The following DNAH14 variants were observed in gnomAD, a reference collection of about 807,000 sequenced individuals.
The protein encoded by DNAH14 is axonemal beta dynein heavy chain 14.
DNAH14 carries 478 observed loss-of-function variants against 520.9 expected under a neutral mutation model. That is an observed-to-expected ratio of 0.92 (90% CI 0.85 to 0.99). The LOEUF (loss-of-function observed/expected upper bound fraction) is 0.99. Ranked by LOEUF, DNAH14 falls within the 50% of genes least tolerant of loss-of-function variation. DNAH14 has a pLI of 0.00. For synonymous variants in DNAH14, 1,581 were observed against 1,757.2 expected, an observed-to-expected ratio of 0.90 and a Z score of 2.51; for missense variants, 4,831 against 5,234.5, an observed-to-expected ratio of 0.92 and a Z score of 2.38.
At chr1:225,303,368 A>C in intron 57 of DNAH14, 21 bp downstream of exon 57, 2 of 1,539,322 alleles carry the variant, frequency 1.3e-6, no homozygotes, top group Non-Finnish European at 1.8e-6. Flanking sequence ...AATGCAAGTG[A>C]AGGTTTCAGT....
intron 5 of DNAH14, 51 bp from the exon 6 acceptor site, chr1:224,967,380 T>G: frequency 7.4e-7 from 1 of 1,355,760 alleles, no homozygotes; most frequent in Non-Finnish European, 9.8e-7. Context: ...TTAATTTAGT[T>G]AATTTAGTCA....
At chr1:225,087,833 G>A (rs2073978801) in intron 21 of DNAH14, among the ~76,000 whole-genome samples, 1 of 152,192 alleles carries the variant, frequency 6.6e-6, no homozygotes, top group African/African-American at 2.4e-5. Flanking sequence ...ACGTGAAACT[G>A]CCAGAGGTCA....
At chr1:225,382,429 G>A (rs114892852) in intron 81 of DNAH14, among the ~76,000 whole-genome samples, 1,932 of 152,170 alleles carry the variant, frequency 0.013, 43 homozygotes, top group African/African-American at 0.042. Flanking sequence ...AATCCAGGCC[G>A]GGCACAGGGC....
intron 77 of DNAH14, 75 bp downstream of exon 77, chr1:225,368,107 C>A: frequency 1.6e-6 from 2 of 1,248,872 alleles, no homozygotes; most frequent in East Asian, 5.1e-5. Flanking sequence ...TATGTGCCTA[C>A]ACAAATGTGA....
intron 15 of DNAH14, among the ~76,000 whole-genome samples, chr1:225,046,729 G>A (rs568117871): frequency 5.9e-5 from 9 of 152,164 alleles, no homozygotes; most frequent in South Asian, 2.1e-4. Context: ...TCTGTTAGCC[G>A]TCTCCTTTTT....
In DNAH14 at chr1:225,389,892, G is replaced by A. The variant is rs758576662; in HGVS notation, c.13330+19G>A. On this transcript the variant is annotated intron_variant, in intron 83 of 85. Coordinates refer to ENST00000682510, the MANE Select transcript of DNAH14 (RefSeq NM_001367479.1). ...CCACAAGGTGAGCATTAGAACCAAG[G>A]TCAGCTCCAGACCTGGCCCAGGCAA... 2.3e-5 allele frequency: 35 copies of A among 1,550,560 alleles called. No individual in the cohort carries two copies. The highest frequency in any genetic ancestry group is 3.0e-5 in the Non-Finnish European group (34 of 1,146,404).
intron 76 of DNAH14, among the ~76,000 whole-genome samples, chr1:225,366,037 A>C (rs540206125): frequency 4.9e-4 from 75 of 152,328 alleles, no homozygotes; most frequent in African/African-American, 1.8e-3. Flanking sequence ...AAACATTAAC[A>C]TTCCATACAA....
At chr1:225,352,137 T>A (rs901009801) in intron 72 of DNAH14, among the ~76,000 whole-genome samples, 4 of 152,310 alleles carry the variant, frequency 2.6e-5, no homozygotes, top group African/African-American at 9.6e-5. Flanking sequence ...CTAGTTTCAT[T>A]ACACCAGGCT....
chr1:225,197,528 T>C (rs2086310822), intron 38 of DNAH14, among the ~76,000 whole-genome samples: 1 of 152,180 alleles, frequency 6.6e-6, no homozygotes, highest in Admixed American at 6.5e-5. Flanking sequence ...ATATGGGCTC[T>C]TTTTTGGTTC....
At chr1:224,959,072 G>T (rs1313677072) in intron 3 of DNAH14, among the ~76,000 whole-genome samples, 1 of 152,034 alleles carries the variant, frequency 6.6e-6, no homozygotes, top group Non-Finnish European at 1.5e-5. Context: ...CTAACCAGAG[G>T]GTTGCATGTC....
At position 225,242,478 on chromosome 1, in the gene DNAH14, C is replaced by T. The variant is rs138917296; in HGVS notation, c.6748+1656C>T. On this transcript the variant is annotated intron_variant, in intron 43 of 85. Transcript: ENST00000682510. The stretch of plus-strand genomic sequence containing the variant: ...AAACACACACATTAGCCTAGGCCTA[C>T]GTGGGGTCAAGTTCATCAATATCAC... Among the ~76,000 whole-genome samples the T allele has an allele frequency of 4.2e-3, 644 of 152,030 alleles. 11 individuals are homozygous for T. The highest frequency in any genetic ancestry group is 4.2e-3 in the Non-Finnish European group (288 of 67,972).
rs1444332023 is a variant in DNAH14, at chr1:225,204,263, A to T, written c.5967A>T (p.Pro1989=). Residue 1989 remains proline (P), a synonymous_variant, in exon 39 of 86, where the codon CCA becomes CCT. Transcript: ENST00000682510. The part of the protein sequence containing the change: ...FEEIEKVVKI[P]ENHNFDWQWI... ...AGATAGAGAAAGTTGTTAAAATTCC[A>T]GAAAATCACAGTAAGTGTTACTAAA... 4.8e-6 allele frequency: 7 copies of T among 1,469,106 alleles called. No individual in the cohort carries two copies. Among genetic ancestry groups the T allele is most frequent in the Non-Finnish European group, 5.4e-6 (6 of 1,108,260 alleles). The allele number at this position is 1,469,106 out of a possible 1,614,324, so 91.0% of individuals were successfully genotyped here. A position where few individuals can be genotyped will look rare whatever the true frequency, so the allele number is the denominator to read the frequency against.
intron 84 of DNAH14, among the ~76,000 whole-genome samples, chr1:225,393,814 G>T (rs12130678): frequency 0.68 from 97,637 of 143,124 alleles, 34,413 homozygotes; most frequent in East Asian, 0.85. Context: ...ATCTTTTTTT[G>T]TTTTTTTTTT....
intron 23 of DNAH14, among the ~76,000 whole-genome samples, chr1:225,114,840 C>T (rs1011577939): frequency 6.6e-6 from 1 of 152,174 alleles, no homozygotes; most frequent in Non-Finnish European, 1.5e-5. Flanking sequence ...ACAAGTCCAC[C>T]ACAGGGGGTG....
At chr1:225,190,166 C>G (rs1329621626) in intron 37 of DNAH14, among the ~76,000 whole-genome samples, 1 of 151,854 alleles carries the variant, frequency 6.6e-6, no homozygotes, top group African/African-American at 2.4e-5. Flanking sequence ...ACATACATAT[C>G]TATGATGAAG....
rs201404785 is a variant in DNAH14, at chr1:225,335,834, T to C, written c.10081-1432T>C. Among the ~76,000 whole-genome samples, 10 of 84,514 alleles carry C rather than the reference T, an allele frequency of 1.2e-4. 3 individuals are homozygous for C. Among genetic ancestry groups the C allele is most frequent in the Admixed American group, 2.7e-4 (2 of 7,366 alleles). 55.4% of individuals were successfully genotyped at this position (84,514 alleles called of 152,430 possible). On this transcript the variant is annotated intron_variant, in intron 66 of 85. Coordinates refer to ENST00000682510, the MANE Select transcript of DNAH14 (RefSeq NM_001367479.1). ...ATATATGTACATACACATATGTACA[T>C]ATATGTACATACACATATGTACATA...
intron 36 of DNAH14, among the ~76,000 whole-genome samples, chr1:225,175,866 C>T (rs1367011394): frequency 6.6e-6 from 1 of 152,000 alleles, no homozygotes; most frequent in African/African-American, 2.4e-5. Flanking sequence ...TCAAGCGATT[C>T]TCCTGCCTCA....
At chr1:225,231,738 T>G (rs2091132939) in intron 42 of DNAH14, among the ~76,000 whole-genome samples, 1 of 152,160 alleles carries the variant, frequency 6.6e-6, no homozygotes, top group Non-Finnish European at 1.5e-5. Flanking sequence ...TAAAATCCAC[T>G]CACTTATCTA....
At chr1:225,289,254 A>G (rs1261294817) in intron 54 of DNAH14, among the ~76,000 whole-genome samples, 1 of 152,294 alleles carries the variant, frequency 6.6e-6, no homozygotes, top group East Asian at 1.9e-4. Context: ...AAATCAATAG[A>G]GATGAAAACA....
Sources: gnomAD v4.1 joint callset for allele counts (sites outside exome capture counted in the v4.1 genomes callset) on GRCh38, gnomAD v4.1.1 for gene constraint, MANE v1.5 for transcripts, NCBI Gene and HGNC (gene_info 2026-07-23, HGNC 2026-07-21) for gene names.